The following FREM3 variants were observed in gnomAD, a reference collection of about 807,000 sequenced individuals.
FREM3 encodes the protein FRAS1-related extracellular matrix protein 3.
In FREM3, 105 loss-of-function variants were observed where a neutral mutation model predicts 129.1. That is an observed-to-expected ratio of 0.81 (90% confidence interval 0.69 to 0.96). FREM3 has a LOEUF of 0.96. Among genes scored for constraint, FREM3 ranks in the 40% least tolerant of loss-of-function variants. The probability of loss-of-function intolerance (pLI) is 0.00; values close to 1 mark genes in which losing one functional copy is unlikely to be tolerated. For synonymous variants in FREM3, 1,014 were observed against 1,044.9 expected, an observed-to-expected ratio of 0.97 and a Z score of 0.57; for missense variants, 2,593 against 2,666.3, an observed-to-expected ratio of 0.97 and a Z score of 0.61.
chr4:143,683,426 C>A (rs1740293857), intron 2 of FREM3, among the ~76,000 whole-genome samples: 1 of 152,216 alleles, frequency 6.6e-6, no homozygotes, highest in South Asian at 2.1e-4. Flanking sequence ...AGCTGAAGGT[C>A]TGTTTGCAGA....
At chr4:143,603,154 C>A (rs1262419235) in intron 6 of FREM3, among the ~76,000 whole-genome samples, 1 of 152,074 alleles carries the variant, frequency 6.6e-6, no homozygotes, top group Non-Finnish European at 1.5e-5. Flanking sequence ...TCTTGTGGGT[C>A]TGCATCCTGT....
In FREM3 at chr4:143,696,562, C is replaced by T; in HGVS notation, c.4114G>A (p.Gly1372Arg). Residue 1372 changes from glycine (G) to arginine (R), a missense_variant, in exon 1 of 8, where the codon GGA becomes AGA. Physicochemically the swap from Gly to Arg is moderately radical, Grantham distance 125 (BLOSUM62 -2). Around this residue, in one of 2 missense-constraint regions of FREM3, gnomAD observed 2,276 missense variants for 2,267.2 expected, o/e 1.00. Transcript: ENST00000329798. ...RGEVRNNLTL[G>R]MNFTQDEINR... ...ATCTCATCCTGGGTAAAGTTCATTC[C>T]CAGAGTAAGATTGTTCCTCACTTCT... 1.3e-6 allele frequency: 2 copies of T among 1,537,402 alleles called. No homozygotes were observed. The highest frequency in any genetic ancestry group is 1.4e-5 in the African/African-American group (1 of 73,134).
chr4:143,636,971 T>A (rs1739243208), intron 2 of FREM3, among the ~76,000 whole-genome samples: 1 of 152,198 alleles, frequency 6.6e-6, no homozygotes, highest in South Asian at 2.1e-4. Context: ...ATATTATATA[T>A]GCTTATGTTT....
chr4:143,624,300 CTT>C lies in FREM3; in HGVS notation c.5459_5460del (p.Lys1820ArgfsTer8), dbSNP rs1162958618. ...GTKDETAKKD[K>X]DFKWKTNKQI... ...TGTTTATTGGTCTTCCATTTGAAAT[CTT>C]TGTCTTTTTTTGCAGTTTCATCTTT... On this transcript the variant is annotated frameshift_variant, in exon 4 of 8. Coordinates refer to ENST00000329798, the MANE Select transcript of FREM3 (RefSeq NM_001168235.2). LOFTEE classifies it high-confidence loss of function. 3 of 1,536,838 alleles carry C rather than the reference CTT, an allele frequency of 2.0e-6. No individual in the cohort carries two copies. The highest frequency in any genetic ancestry group is 2.6e-6 in the Non-Finnish European group (3 of 1,146,750).
At chr4:143,679,999 A>G (rs140893070) in intron 2 of FREM3, among the ~76,000 whole-genome samples, 228 of 152,274 alleles carry the variant, frequency 1.5e-3, no homozygotes, top group African/African-American at 4.9e-3. Flanking sequence ...ATTAATCAAT[A>G]TTATTGAACG....
At chr4:143,630,464 A>G (rs956412628) in intron 2 of FREM3, among the ~76,000 whole-genome samples, 12 of 152,108 alleles carry the variant, frequency 7.9e-5, no homozygotes, top group African/African-American at 2.7e-4. Flanking sequence ...TTCCTTTGCA[A>G]TCTGCCTATA....
chr4:143,639,795 T>A (rs13131507), intron 2 of FREM3, among the ~76,000 whole-genome samples: 40,613 of 152,032 alleles, frequency 0.27, 6,512 homozygotes, highest in Middle Eastern at 0.39. Flanking sequence ...CATTATCTCA[T>A]GTGCAAATCC....
chr4:143,653,480 G>A (rs539374407), intron 2 of FREM3, among the ~76,000 whole-genome samples: 2 of 152,250 alleles, frequency 1.3e-5, no homozygotes, highest in South Asian at 4.1e-4. Context: ...TAAGGTCAAT[G>A]GAGATTCTCT....
At chr4:143,595,946 A>C (rs1263575879) in intron 6 of FREM3, among the ~76,000 whole-genome samples, 1 of 151,940 alleles carries the variant, frequency 6.6e-6, no homozygotes, top group African/African-American at 2.4e-5. Context: ...CCTGGAGAAA[A>C]TAAGGTGCTA....
rs988229381 is a variant in FREM3, at chr4:143,699,623, AGT to A, written c.1051_1052del (p.Thr351SerfsTer85). 13 of 1,529,908 alleles carry A rather than the reference AGT, an allele frequency of 8.5e-6. No homozygotes were observed. Among genetic ancestry groups the A allele is most frequent in the Non-Finnish European group, 1.1e-5 (13 of 1,142,382 alleles). The allele number at this position is 1,529,908 out of a possible 1,614,324, so 94.8% of individuals were successfully genotyped here. On this transcript the variant is annotated frameshift_variant, in exon 1 of 8. Coordinates refer to ENST00000329798, the MANE Select transcript of FREM3 (RefSeq NM_001168235.2). LOFTEE classifies it high-confidence loss of function. This position sits in a 1 kb window ranked among gnomAD's most constrained non-coding sequence, Gnocchi z 4.2. The stretch of plus-strand genomic sequence containing the variant: ...GTTGCCCCGGGTGCCCTGGTGGGTG[AGT>A]GGGGGCGTTCAGAATGTTGAACACC... ...DLVFNILNAP[T>X]HPPGHPGQQG... is the part of the protein sequence containing the mutation.
At chr4:143,652,684 G>A (rs767104710) in intron 2 of FREM3, among the ~76,000 whole-genome samples, 1 of 152,180 alleles carries the variant, frequency 6.6e-6, no homozygotes, top group Non-Finnish European at 1.5e-5. Flanking sequence ...TCAGGCTGGA[G>A]TACAGTGCGA....
At chr4:143,589,885 C>T (rs1738325315) in intron 6 of FREM3, among the ~76,000 whole-genome samples, 1 of 152,244 alleles carries the variant, frequency 6.6e-6, no homozygotes, top group Admixed American at 6.5e-5. Context: ...ATGGAATGTT[C>T]TTCCATTTCT....
chr4:143,690,475 GTCT>G (rs1231425279), intron 2 of FREM3, among the ~76,000 whole-genome samples: 2 of 152,078 alleles, frequency 1.3e-5, no homozygotes, highest in Non-Finnish European at 2.9e-5. Flanking sequence ...GCAGGGCAGG[GTCT>G]TCTTTTAACA....
intron 5 of FREM3, among the ~76,000 whole-genome samples, chr4:143,619,970 T>C (rs1738917641): frequency 6.6e-6 from 1 of 152,130 alleles, no homozygotes; most frequent in African/African-American, 2.4e-5. Context: ...GCACTGATTT[T>C]GAGAGACTGA....
intron 2 of FREM3, among the ~76,000 whole-genome samples, chr4:143,691,773 C>T (rs1740475542): frequency 6.6e-6 from 1 of 152,162 alleles, no homozygotes; most frequent in Non-Finnish European, 1.5e-5. Flanking sequence ...TCATCACAGA[C>T]TGATTTTTGT....
chr4:143,688,444 A>T (rs1165009408), intron 2 of FREM3, among the ~76,000 whole-genome samples: 2 of 152,182 alleles, frequency 1.3e-5, no homozygotes, highest in Non-Finnish European at 2.9e-5. Context: ...AAATGACCAT[A>T]CTGCCAAAAG....
chr4:143,647,580 C>T (rs1739441185), intron 2 of FREM3, among the ~76,000 whole-genome samples: 1 of 152,154 alleles, frequency 6.6e-6, no homozygotes, highest in Admixed American at 6.5e-5. Context: ...TGCTTCAGCT[C>T]CAGCCATGCC....
At chr4:143,672,893 A>C (rs1025412354) in intron 2 of FREM3, among the ~76,000 whole-genome samples, 1 of 152,206 alleles carries the variant, frequency 6.6e-6, no homozygotes, top group African/African-American at 2.4e-5. Flanking sequence ...TCAGCTAATG[A>C]AGCTTGTGCA....
intron 6 of FREM3, among the ~76,000 whole-genome samples, chr4:143,590,145 G>C (rs1304464039): frequency 6.6e-6 from 1 of 151,962 alleles, no homozygotes; most frequent in Non-Finnish European, 1.5e-5. Flanking sequence ...GGGCTGAGAC[G>C]ATGGGGTTTT....
Sources: gnomAD v4.1 joint callset for allele counts (sites outside exome capture counted in the v4.1 genomes callset) on GRCh38, gnomAD v4.1.1 for gene constraint, gnomAD v4.1.1 regional missense constraint, Gnocchi (gnomAD v3.1) non-coding constraint, MANE v1.5 for transcripts, NCBI Gene and HGNC (gene_info 2026-07-23, HGNC 2026-07-21) for gene names.